Variants in DNAH10 observed in about 807,000 individuals in gnomAD.
DNAH10 encodes axonemal beta dynein heavy chain 10.
A neutral mutation model predicts 506.6 loss-of-function variants in DNAH10; 348 were observed. That is an observed-to-expected ratio of 0.69 (90% CI 0.63 to 0.75). The LOEUF (loss-of-function observed/expected upper bound fraction) is 0.75. DNAH10 is among the 30% of genes least tolerant of loss of function. The pLI is 0.00. For synonymous variants in DNAH10, 2,059 were observed against 2,198.6 expected (o/e 0.94, Z 1.78); for missense variants, 5,179 against 5,787.1 (o/e 0.89, Z 3.41).
chr12:123,843,994 TA>T (rs1441284822), intron 30 of DNAH10, among the ~76,000 whole-genome samples: 4 of 152,244 alleles, frequency 2.6e-5, no homozygotes, highest in Admixed American at 2.6e-4. Context: ...CACACTGCTA[TA>T]CAGAAATACT....
chr12:123,853,980 G>A lies in DNAH10; in HGVS notation c.6438+628G>A, dbSNP rs958822399. 4.6e-5 allele frequency among the ~76,000 whole-genome samples: 7 copies of A among 151,064 alleles called. No homozygotes were observed. Among genetic ancestry groups the A allele is most frequent in the African/African-American group, 9.7e-5 (4 of 41,064 alleles). ...TTTGGGTAGTAAAAAAAAAACAGCC[G>A]TGAGTGCAGTGATAGAAGCCTGTTT... On this transcript the variant is annotated intron_variant, in intron 36 of 78. Coordinates refer to ENST00000673944, the MANE Select transcript of DNAH10 (RefSeq NM_001372106.1). This position sits in a 1 kb window ranked among gnomAD's most constrained non-coding sequence, Gnocchi z 4.7.
intron 21 of DNAH10, among the ~76,000 whole-genome samples, chr12:123,816,681 C>A (rs1228279905): frequency 2.0e-5 from 3 of 152,190 alleles, no homozygotes; most frequent in Non-Finnish European, 2.9e-5. Context: ...TGTGGGGGAA[C>A]CCCTGATTTT....
intron 25 of DNAH10, 136 bp downstream of exon 25, chr12:123,827,034 A>G (rs547368325): frequency 4.0e-5 from 28 of 698,720 alleles, no homozygotes; most frequent in Non-Finnish European, 2.3e-6. Context: ...ATACATGGGC[A>G]CGACACAGTT....
At chr12:123,772,365 T>C (rs1957285210) in intron 3 of DNAH10, among the ~76,000 whole-genome samples, 1 of 152,202 alleles carries the variant, frequency 6.6e-6, no homozygotes, top group Non-Finnish European at 1.5e-5. Context: ...TTGGAAGTTG[T>C]CACCCTAAGA....
At chr12:123,866,763 C>T (rs75507028) in intron 41 of DNAH10, among the ~76,000 whole-genome samples, 1 of 152,148 alleles carries the variant, frequency 6.6e-6, no homozygotes, top group East Asian at 1.9e-4. Context: ...GGCTGTGTAC[C>T]AATAAACCTT....
At chr12:123,782,412 T>C (rs1468406103) in intron 6 of DNAH10, among the ~76,000 whole-genome samples, 1 of 101,130 alleles carries the variant, frequency 9.9e-6, no homozygotes, top group Non-Finnish European at 1.8e-5. Context: ...TCTTTCTTTC[T>C]TTTTTTTTTT....
chr12:123,809,033 C>A, intron 19 of DNAH10, 80 bp downstream of exon 19: 24 of 1,509,002 alleles, frequency 1.6e-5, no homozygotes, highest in Non-Finnish European at 2.1e-5. Context: ...GGACTATAGG[C>A]GTGAGCCACT....
intron 39 of DNAH10, 63 bp from the exon 40 acceptor site, chr12:123,864,532 T>C (rs1261973113): frequency 1.3e-6 from 2 of 1,576,760 alleles, no homozygotes; most frequent in African/African-American, 1.4e-5. Context: ...GGGCAGGTTA[T>C]ACCAAGTTCC....
At position 123,913,387 on chromosome 12, in the gene DNAH10, T is replaced by A. The variant is rs1283283172; in HGVS notation, c.10352+72T>A. On this transcript the variant is annotated intron_variant, in intron 60 of 78. Coordinates refer to ENST00000673944, the MANE Select transcript of DNAH10 (RefSeq NM_001372106.1). The surrounding 1 kb of genome is among the most constrained non-coding windows in gnomAD (Gnocchi z 5.1). ...TCACCCACAGAGTTTCTCGCCATGT[T>A]GATTCTTTATCTCACGTTGTGTTTT... 4 of 1,432,396 alleles carry A rather than the reference T, an allele frequency of 2.8e-6. No individual in the cohort carries two copies. The highest frequency in any genetic ancestry group is 3.7e-6 in the Non-Finnish European group (4 of 1,070,826). The allele number at this position is 1,432,396 out of a possible 1,614,324, so 88.7% of individuals were successfully genotyped here.
rs758429039 is a variant in DNAH10, at chr12:123,926,765, G to A, written c.12050G>A (p.Ser4017Asn). 5 of 1,613,882 alleles carry A rather than the reference G, an allele frequency of 3.1e-6. No homozygotes were observed. In the Admixed American group the frequency reaches 8.3e-5, roughly 27 times the overall value. The change falls in exon 69 of 79, where the codon AGT (serine) becomes AAT (asparagine). Residue 4017 changes from serine (S) to asparagine (N), a missense_variant. Around this residue, in one of 3 missense-constraint regions of DNAH10, gnomAD observed 4,844 missense variants for 5,430.5 expected, o/e 0.89. Transcript: ENST00000673944. The surrounding 1 kb of genome is among the most constrained non-coding windows in gnomAD (Gnocchi z 4.1). ...ATDLMKLAERSGFGGNRLKFL... is the reference protein window; with the variant it reads ...ATDLMKLAERNGFGGNRLKFL... ...GATCTTATGAAATTAGCAGAGCGAA[G>A]TGGTTTTGGAGGAAATCGCCTCAAA...
intron 26 of DNAH10, among the ~76,000 whole-genome samples, chr12:123,831,955 A>T (rs1326808772): frequency 1.3e-5 from 2 of 152,056 alleles, no homozygotes; most frequent in Non-Finnish European, 2.9e-5. Flanking sequence ...TAATAATCCT[A>T]TGGGACCACC....
intron 21 of DNAH10, among the ~76,000 whole-genome samples, chr12:123,815,636 G>C (rs1317169353): frequency 1.3e-5 from 2 of 152,266 alleles, no homozygotes; most frequent in East Asian, 3.9e-4. Flanking sequence ...TATGGTAATT[G>C]CTGTGTGGTT....
In DNAH10 at chr12:123,928,863, C is replaced by G. The variant is rs564781874; in HGVS notation, c.12306+276C>G. The G allele has an allele frequency of 3.5e-4, 165 of 466,790 alleles. No individual in the cohort carries two copies. The highest frequency in any genetic ancestry group is 6.8e-4 in the East Asian group (20 of 29,622). 28.9% of individuals were successfully genotyped at this position (466,790 alleles called of 1,614,324 possible). On this transcript the variant is annotated intron_variant, in intron 70 of 78. Transcript: ENST00000673944. The surrounding 1 kb of genome is among the most constrained non-coding windows in gnomAD (Gnocchi z 4.9). ...CTTTTCATAAACTTCACGGCCCCCCCCCCCACACACAGCCTGCAGTTCGCT... is the reference window on the plus strand; with the variant it reads ...CTTTTCATAAACTTCACGGCCCCCCGCCCCACACACAGCCTGCAGTTCGCT...
chr12:123,808,761 G>C (rs1431490372), intron 18 of DNAH10, 36 bp from the exon 19 acceptor site: 1 of 1,606,748 alleles, frequency 6.2e-7, no homozygotes, highest in African/African-American at 1.3e-5. Context: ...ACTCTAGTGA[G>C]ATACACTCTG....
chr12:123,896,132 CACACACACACACACACAGAG>C (rs1953215783), intron 54 of DNAH10, among the ~76,000 whole-genome samples: 2 of 109,708 alleles, frequency 1.8e-5, no homozygotes, highest in African/African-American at 1.0e-4. Flanking sequence ...CACACACACA[CACACACACACACACACAGAG>C]AGAGAGAGAG....
At chr12:123,824,962 G>T (rs1457744890) in intron 24 of DNAH10, among the ~76,000 whole-genome samples, 1 of 152,166 alleles carries the variant, frequency 6.6e-6, no homozygotes, top group Non-Finnish European at 1.5e-5. Context: ...TGGGAGTGGG[G>T]TTGGTGGAGG....
chr12:123,848,011 C>T lies in DNAH10; in HGVS notation c.5865C>T (p.Gly1955=), dbSNP rs1361341368. 6.2e-7 allele frequency: 1 copy of T among 1,613,974 alleles called. No homozygotes were observed. The highest frequency in any genetic ancestry group is 1.1e-5 in the South Asian group (1 of 91,076). Residue 1955 remains glycine (G), a synonymous_variant, in exon 33 of 79, where the codon GGC becomes GGT. Coordinates refer to ENST00000673944, the MANE Select transcript of DNAH10 (RefSeq NM_001372106.1). ...CCCCCGCCGGCCCAGCAGGAACCGGCAAAACCGAGACCACCAAGGACCTGG... is the reference window on the plus strand; with the variant it reads ...CCCCCGCCGGCCCAGCAGGAACCGGTAAAACCGAGACCACCAAGGACCTGG... ...GGAPAGPAGT[G]KTETTKDLAK... is the part of the protein sequence containing the mutation.
At chr12:123,879,834 A>C in intron 50 of DNAH10, 33 bp downstream of exon 50, 3 of 1,603,854 alleles carry the variant, frequency 1.9e-6, no homozygotes, top group Non-Finnish European at 2.6e-6. Context: ...CCATGGGCTC[A>C]CTTTCTCCTG....
intron 57 of DNAH10, among the ~76,000 whole-genome samples, chr12:123,908,756 G>C (rs1313002150): frequency 6.6e-6 from 1 of 152,106 alleles, no homozygotes; most frequent in African/African-American, 2.4e-5. Context: ...CCCAGGATGC[G>C]GGGACCCCAG....
Sources: gnomAD v4.1 joint callset for allele counts (sites outside exome capture counted in the v4.1 genomes callset) on GRCh38, gnomAD v4.1.1 for gene constraint, gnomAD v4.1.1 regional missense constraint, Gnocchi (gnomAD v3.1) non-coding constraint, MANE v1.5 for transcripts, NCBI Gene and HGNC (gene_info 2026-07-23, HGNC 2026-07-21) for gene names.